The following STARD8 variants were observed in gnomAD, a reference collection of about 807,000 sequenced individuals.
The protein encoded by STARD8 is stAR-related lipid transfer protein 8.
Under a neutral mutation model 69.4 loss-of-function variants are expected in STARD8, and 25 were observed. That is an observed-to-expected ratio of 0.36 (90% CI 0.26 to 0.50). The LOEUF is 0.50. Ranked by LOEUF, STARD8 falls within the 20% of genes least tolerant of loss-of-function variation. The probability of loss-of-function intolerance (pLI) is 0.96; values close to 1 mark genes in which losing one functional copy is unlikely to be tolerated. For synonymous variants in STARD8, 389 were observed against 374.6 expected, an observed-to-expected ratio of 1.04 and a Z score of -0.45; for missense variants, 921 against 932.5, an observed-to-expected ratio of 0.99 and a Z score of 0.16.
At position 68,664,509 on chromosome X, in the gene STARD8, C is replaced by G. The variant is rs186218217; in HGVS notation, c.46-990C>G. On this transcript the variant is annotated intron_variant, in intron 1 of 14. Coordinates refer to ENST00000374599, the MANE Select transcript of STARD8 (RefSeq NM_001142503.3). Reference sequence around the variant, plus strand: ...CCTTAGCCTCTCATAATTTGGCCTTCGTTTCTCTCTTCACCATCCGCCTGA... The same window carrying G: ...CCTTAGCCTCTCATAATTTGGCCTTGGTTTCTCTCTTCACCATCCGCCTGA... Among the ~76,000 whole-genome samples, 821 of 111,931 alleles carry G rather than the reference C, an allele frequency of 7.3e-3. 2 individuals are homozygous for G. Among genetic ancestry groups the G allele is most frequent in the Non-Finnish European group, 0.011 (558 of 53,124 alleles).
chrX:68,687,732 TGACCCAG>T (rs748710846), intron 2 of STARD8, among the ~76,000 whole-genome samples: 29 of 112,369 alleles, frequency 2.6e-4, no homozygotes, highest in Admixed American at 2.5e-3. Context: ...TGCCTGGCCC[TGACCCAG>T]GAGCCTTGGG....
chrX:68,688,598 A>G (rs2079851426), intron 2 of STARD8, among the ~76,000 whole-genome samples: 2 of 111,389 alleles, frequency 1.8e-5, no homozygotes, highest in South Asian at 7.7e-4. Context: ...CTGGAGGGAC[A>G]CTGGAAAGGA....
chrX:68,720,634 T>C (rs2080139868), intron 8 of STARD8, among the ~76,000 whole-genome samples: 1 of 113,289 alleles, frequency 8.8e-6, no homozygotes, highest in African/African-American at 3.2e-5. Flanking sequence ...TGCTACCTTC[T>C]TTCTGGCCCA....
chrX:68,703,304 C>T (rs766772783), intron 2 of STARD8, among the ~76,000 whole-genome samples: 9 of 112,247 alleles, frequency 8.0e-5, no homozygotes, highest in Non-Finnish European at 1.3e-4. Context: ...AAATAGGCTA[C>T]GTCTTCAGGT....
chrX:68,650,285 G>C (rs1321392260), intron 1 of STARD8, among the ~76,000 whole-genome samples: 2 of 109,469 alleles, frequency 1.8e-5, no homozygotes, highest in Non-Finnish European at 3.8e-5. Context: ...TGGGCACGGT[G>C]ATGCATAATG....
rs770155799 is a variant in STARD8, at chrX:68,699,172, C to G, written c.80-13742C>G. On this transcript the variant is annotated intron_variant, in intron 2 of 14. Transcript: ENST00000374599. Reference sequence around the variant, plus strand: ...ACCAGCCCAAGGTGCTCCTGGGATCCTAGGTCCCTGTGGGAAGCAGCCAAG... The same window carrying G: ...ACCAGCCCAAGGTGCTCCTGGGATCGTAGGTCCCTGTGGGAAGCAGCCAAG... Among the ~76,000 whole-genome samples, 4 of 111,702 alleles carry G rather than the reference C, an allele frequency of 3.6e-5. No homozygotes were observed. The Admixed American group carries it at 3.8e-4, about 11-fold the overall frequency.
At chrX:68,678,164 G>T (rs771320886) in intron 2 of STARD8, among the ~76,000 whole-genome samples, 3 of 111,277 alleles carry the variant, frequency 2.7e-5, no homozygotes, top group South Asian at 7.6e-4. Context: ...GGGGAAGGTG[G>T]GTGGGGTCAA....
At chrX:68,660,117 TG>T (rs1396188399) in intron 1 of STARD8, among the ~76,000 whole-genome samples, 24 of 110,178 alleles carry the variant, frequency 2.2e-4, no homozygotes, top group Non-Finnish European at 4.4e-4. Flanking sequence ...CTTGCACCCT[TG>T]GGGGGAGACA....
At chrX:68,705,036 C>T (rs2092597064) in intron 2 of STARD8, among the ~76,000 whole-genome samples, 1 of 112,326 alleles carries the variant, frequency 8.9e-6, no homozygotes, top group Non-Finnish European at 1.9e-5. Context: ...CATCATTTAT[C>T]TCTAGGCCAG....
chrX:68,648,022 G>T, intron 1 of STARD8, 95 bp downstream of exon 1: 1 of 1,038,501 alleles, frequency 9.6e-7, no homozygotes, highest in South Asian at 2.2e-5. Context: ...CGGACCAGAC[G>T]GGCTTCTGAG....
In STARD8 at chrX:68,725,467, C is replaced by G. The variant is rs768587984; in HGVS notation, c.*1045C>G. ...GGCCACTGGTGCTTTATTTTTCTATCTGCTGAGTAAACTGAAATGAGATGG... is the reference window on the plus strand; with the variant it reads ...GGCCACTGGTGCTTTATTTTTCTATGTGCTGAGTAAACTGAAATGAGATGG... On this transcript the variant is annotated 3_prime_UTR_variant, in exon 15 of 15. Transcript: ENST00000374599. 2.8e-5 allele frequency: 3 copies of G among 109,007 alleles called. No individual in the cohort carries two copies. The South Asian group carries it at 1.2e-3, about 44-fold the overall frequency. The allele number at this position is 109,007 out of a possible 1,213,427, so 9.0% of individuals were successfully genotyped here.
At chrX:68,711,182 G>C (rs1179958705) in intron 2 of STARD8, among the ~76,000 whole-genome samples, 2 of 110,125 alleles carry the variant, frequency 1.8e-5, no homozygotes. Flanking sequence ...TCTATCTTAG[G>C]TTAGGAAGTT....
chrX:68,661,973 T>TC (rs1491461751), intron 1 of STARD8, among the ~76,000 whole-genome samples: 4 of 36,901 alleles, frequency 1.1e-4, no homozygotes, highest in Non-Finnish European at 2.2e-4. Context: ...TCTCTCTCTC[T>TC]TTCTTTCTTT....
chrX:68,672,718 A>G (rs5902631), intron 2 of STARD8, among the ~76,000 whole-genome samples: 1 of 104,682 alleles, frequency 9.6e-6, no homozygotes, highest in African/African-American at 3.8e-5. Context: ...ACAGCGCCCC[A>G]CCCCCCATGG....
intron 2 of STARD8, among the ~76,000 whole-genome samples, chrX:68,667,577 C>A (rs1033952047): frequency 5.4e-5 from 6 of 111,378 alleles, no homozygotes; most frequent in African/African-American, 2.0e-4. Context: ...CACCCCAAGT[C>A]CCCAACCACC....
chrX:68,706,304 C>T (rs1166647051), intron 2 of STARD8, among the ~76,000 whole-genome samples: 1 of 111,896 alleles, frequency 8.9e-6, no homozygotes, highest in East Asian at 2.8e-4. Flanking sequence ...CTATTTTGGT[C>T]CTGTCTCCTT....
chrX:68,661,352 T>A (rs2079643357), intron 1 of STARD8, among the ~76,000 whole-genome samples: 1 of 112,094 alleles, frequency 8.9e-6, no homozygotes, highest in Admixed American at 9.4e-5. Context: ...TTTATCCTCC[T>A]TTTGGCTCTG....
intron 10 of STARD8, 79 bp downstream of exon 10, chrX:68,721,825 C>T: frequency 1.0e-6 from 1 of 987,917 alleles, no homozygotes; most frequent in Non-Finnish European, 1.4e-6. Context: ...CTTTTGATGG[C>T]TGGCACTGCT....
chrX:68,665,509 T>G lies in STARD8; in HGVS notation c.56T>G (p.Leu19Trp), dbSNP rs1365698143. Residue 19 changes from leucine to tryptophan, a missense_variant, in exon 2 of 15, where the codon TTG (leucine) becomes TGG (tryptophan). Physicochemically the swap from Leu to Trp is moderately conservative, Grantham distance 61. Coordinates refer to ENST00000374599, the MANE Select transcript of STARD8 (RefSeq NM_001142503.3). ...CTGTTTCTTTTGCAGTGCTTCCCAT[T>G]GCTGCAGGTGAAGAAGAACGCTGGT... is the stretch of plus-strand genomic sequence containing the variant. ...SCFRKVKCFP[L>W]LQVKKNAEAE... is the part of the protein sequence containing the mutation. 1.7e-6 allele frequency: 2 copies of G among 1,207,002 alleles called. No homozygotes were observed. The highest frequency in any genetic ancestry group is 3.5e-5 in the African/African-American group (2 of 57,226).
Sources: allele counts gnomAD v4.1 joint callset (sites outside exome capture counted in the v4.1 genomes callset), GRCh38; gene constraint gnomAD v4.1.1; transcripts MANE v1.5; gene names NCBI Gene and HGNC (gene_info 2026-07-23, HGNC 2026-07-21).